Variants in NUMA1 observed in about 807,000 individuals in gnomAD.
NUMA1 encodes nuclear mitotic apparatus protein 1.
A neutral mutation model predicts 237.1 loss-of-function variants in NUMA1; 62 were observed. The ratio of observed to expected loss-of-function variants is 0.26; its 90% CI spans 0.21 to 0.32. The LOEUF is 0.32. Among genes scored for constraint, NUMA1 ranks in the 10% least tolerant of loss-of-function variants. The probability of loss-of-function intolerance (pLI) is 1.00; values close to 1 mark genes in which losing one functional copy is unlikely to be tolerated. For missense variants in NUMA1, 2,533 were observed against 2,666.5 expected (o/e 0.95, Z 1.10); for synonymous variants, 1,028 against 1,066.1 (o/e 0.96, Z 0.70).
At chr11:72,047,333 A>T (rs1412369951) in intron 2 of NUMA1, among the ~76,000 whole-genome samples, 4 of 152,002 alleles carry the variant, frequency 2.6e-5, no homozygotes, top group African/African-American at 9.7e-5. Context: ...ACAAAAAATA[A>T]AAGAATTAGC....
rs202246796 is a variant in NUMA1, at chr11:72,014,350, T to C, written c.3153A>G (p.Ala1051=). 79 of 1,613,682 alleles carry C rather than the reference T, an allele frequency of 4.9e-5. No homozygotes were observed. The East Asian group carries it at 5.8e-4, about 12-fold the overall frequency. ...QRVEFATLQE[A]LAHALTEKEG... The stretch of plus-strand genomic sequence containing the variant: ...CCTTTTCCGTCAGGGCATGAGCCAG[T>C]GCCTCTTGCAGGGTAGCGAACTCCA... The change falls in exon 15 of 27, where the codon GCA becomes GCG. Residue 1051 remains alanine (A), a synonymous_variant. Transcript: ENST00000393695. The surrounding 1 kb of genome is among the most constrained non-coding windows in gnomAD (Gnocchi z 4.6).
rs899972614 is a variant in NUMA1 at position 72,019,812 on chromosome 11, C to G, written c.461-195G>C. On this transcript the variant is annotated intron_variant, in intron 8 of 26. Transcript: ENST00000393695. ...TTATCCAGAGTTCCGTGTCTCTAACCAAAATGAAGTGCAGGGCTTCCATTT... is the reference window on the plus strand; with the variant it reads ...TTATCCAGAGTTCCGTGTCTCTAACGAAAATGAAGTGCAGGGCTTCCATTT... 2.6e-5 allele frequency among the ~76,000 whole-genome samples: 4 copies of G among 152,296 alleles called. No homozygotes were observed. In the South Asian group the frequency reaches 6.2e-4, roughly 24 times the overall value.
At chr11:72,041,207 G>T in intron 2 of NUMA1, 1 of 152,262 alleles carries the variant, frequency 6.6e-6, no homozygotes. Flanking sequence ...ACAGCAAGCA[G>T]GGGACTCTCA....
intron 1 of NUMA1, chr11:72,072,381 C>T (rs1391970940): frequency 6.5e-6 from 1 of 154,536 alleles, no homozygotes; most frequent in Non-Finnish European, 1.5e-5. Flanking sequence ...AATAAACATG[C>T]CTGAAATATA....
At chr11:72,031,215 C>T (rs1940261398) in intron 3 of NUMA1, among the ~76,000 whole-genome samples, 2 of 151,584 alleles carry the variant, frequency 1.3e-5, no homozygotes, top group South Asian at 2.1e-4. Context: ...GTAGGTGGAT[C>T]ATTTGAGCCC....
chr11:72,015,290 T>C lies in NUMA1; in HGVS notation c.2213A>G (p.Glu738Gly). The C allele has an allele frequency of 6.2e-7, 1 of 1,613,682 alleles. No homozygotes were observed. Among genetic ancestry groups the C allele is most frequent in the Non-Finnish European group, 8.5e-7 (1 of 1,180,028 alleles). ...ALEEQQRCIS[E>G]LKAETRSLVE... ...CAGGCTTCGGGTCTCTGCCTTCAGC[T>C]CAGAGATACAACGCTGCTGCTCTTC... is the stretch of plus-strand genomic sequence containing the variant. The change falls in exon 15 of 27, where the codon GAG (glutamate) becomes GGG (glycine). Residue 738 changes from glutamate (E) to glycine (G), a missense_variant. Physicochemically the swap from Glu to Gly is moderately conservative, Grantham distance 98. Coordinates refer to ENST00000393695, the MANE Select transcript of NUMA1 (RefSeq NM_006185.4). The surrounding 1 kb of genome is among the most constrained non-coding windows in gnomAD (Gnocchi z 4.0).
intron 2 of NUMA1, 29 bp from the exon 3 acceptor site, chr11:72,036,004 T>C: frequency 7.9e-6 from 12 of 1,524,718 alleles, no homozygotes; most frequent in Non-Finnish European, 1.1e-5. Context: ...AGAAAAGCAG[T>C]TAATCATATC....
intron 2 of NUMA1, among the ~76,000 whole-genome samples, chr11:72,053,390 A>C (rs1591048659): frequency 6.6e-6 from 1 of 152,374 alleles, no homozygotes; most frequent in East Asian, 1.9e-4. Context: ...GAATTCTTAG[A>C]AATCAGCACA....
At chr11:72,023,003 G>A in intron 6 of NUMA1, 62 bp downstream of exon 6, 1 of 1,185,816 alleles carries the variant, frequency 8.4e-7, no homozygotes, top group East Asian at 2.3e-5. Context: ...GCCCTGCAGG[G>A]TCCCTCAGGT....
intron 6 of NUMA1, 30 bp from the exon 7 acceptor site, chr11:72,022,449 G>A: frequency 6.8e-7 from 1 of 1,478,132 alleles, no homozygotes; most frequent in Non-Finnish European, 9.5e-7. Flanking sequence ...CAGTCACTGA[G>A]TGGGGCTGTC....
rs1041365650 is a variant in NUMA1 at position 72,013,210 on chromosome 11, G to A, written c.4293C>T (p.Ala1431=). 23 of 1,610,370 alleles carry A rather than the reference G, an allele frequency of 1.4e-5. No individual in the cohort carries two copies. The highest frequency in any genetic ancestry group is 1.9e-5 in the Non-Finnish European group (22 of 1,180,010). ...GCATGCTCAGCTGCTCTGCATAGCTGGCCTTCTCTGCCCGCAGCTGCTGAG... is the reference window on the plus strand; with the variant it reads ...GCATGCTCAGCTGCTCTGCATAGCTAGCCTTCTCTGCCCGCAGCTGCTGAG... ...RTAQQLRAEK[A]SYAEQLSMLK... The change falls in exon 15 of 27, where the codon GCC becomes GCT. Residue 1431 remains alanine (A), a synonymous_variant. Coordinates refer to ENST00000393695, the MANE Select transcript of NUMA1 (RefSeq NM_006185.4). This position sits in a 1 kb window ranked among gnomAD's most constrained non-coding sequence, Gnocchi z 6.8.
At chr11:72,049,583 A>ATATATATATATAGTGT in intron 2 of NUMA1, 1 of 22,556 alleles carries the variant, frequency 4.4e-5, no homozygotes, top group African/African-American at 1.0e-4. Context: ...ATATATATAT[A>ATATATATATATAGTGT]GTGTGTGTGT....
At chr11:72,074,396 G>C (rs1943608923) in intron 1 of NUMA1, among the ~76,000 whole-genome samples, 1 of 152,008 alleles carries the variant, frequency 6.6e-6, no homozygotes, top group Non-Finnish European at 1.5e-5. Context: ...ACTTAGAACA[G>C]TGCCTAGTTC....
chr11:72,037,255 C>A (rs1295987384), intron 2 of NUMA1, among the ~76,000 whole-genome samples: 3 of 152,308 alleles, frequency 2.0e-5, no homozygotes, highest in Middle Eastern at 3.4e-3. Context: ...CCTGTAATCC[C>A]AGCACTTTGA....
At chr11:72,052,418 T>C (rs904104027) in intron 2 of NUMA1, among the ~76,000 whole-genome samples, 1 of 152,144 alleles carries the variant, frequency 6.6e-6, no homozygotes, top group African/African-American at 2.4e-5. Flanking sequence ...AGACAGACCA[T>C]ATTACAGTTG....
At chr11:72,061,075 A>T (rs966879980) in intron 2 of NUMA1, among the ~76,000 whole-genome samples, 9 of 152,168 alleles carry the variant, frequency 5.9e-5, no homozygotes, top group Non-Finnish European at 1.0e-4. Flanking sequence ...AAAAAAATTT[A>T]AAAAATTAAA....
chr11:72,018,722 G>C, intron 10 of NUMA1, 101 bp downstream of exon 10: 1 of 1,412,360 alleles, frequency 7.1e-7, no homozygotes, highest in Non-Finnish European at 9.6e-7. Flanking sequence ...CCAGGGCTGA[G>C]CTCTCAGCTC....
At chr11:72,026,355 C>T (rs911295983) in intron 4 of NUMA1, among the ~76,000 whole-genome samples, 2 of 152,234 alleles carry the variant, frequency 1.3e-5, no homozygotes, top group African/African-American at 4.8e-5. Context: ...GTGCTCAATA[C>T]ATATGGGCTG....
intron 4 of NUMA1, among the ~76,000 whole-genome samples, chr11:72,027,110 C>T (rs1939686800): frequency 6.6e-6 from 1 of 152,180 alleles, no homozygotes; most frequent in Admixed American, 6.5e-5. Context: ...ATCTACTGCT[C>T]TTGTCACCAG....
Sources: gnomAD v4.1 joint callset for allele counts (sites outside exome capture counted in the v4.1 genomes callset) on GRCh38, gnomAD v4.1.1 for gene constraint, Gnocchi (gnomAD v3.1) non-coding constraint, MANE v1.5 for transcripts, NCBI Gene and HGNC (gene_info 2026-07-23, HGNC 2026-07-21) for gene names.